KIF13B: variants seen among roughly 807,000 people sequenced by gnomAD.
KIF13B encodes the protein kinesin family member 13B.
A neutral mutation model predicts 222.0 loss-of-function variants in KIF13B; 127 were observed. The observed-to-expected ratio is 0.57, with a 90% CI of 0.50 to 0.66. The LOEUF (loss-of-function observed/expected upper bound fraction) is 0.66. Among genes scored for constraint, KIF13B ranks in the 30% least tolerant of loss-of-function variants. The pLI is 0.00. For synonymous variants in KIF13B, 976 were observed against 919.0 expected (o/e 1.06, Z -1.12); for missense variants, 2,173 against 2,379.0 (o/e 0.91, Z 1.80).
chr8:29,146,553 A>C lies in KIF13B; in HGVS notation c.2025-13T>G. ...CAACGTTGCTTCTCTAAAAAAAAAT[A>C]AAGAAGCGGCAGAGGTAGGGAAGAG... On this transcript the variant is annotated splice_polypyrimidine_tract_variant and intron_variant, in intron 17 of 39. Coordinates refer to ENST00000524189, the MANE Select transcript of KIF13B (RefSeq NM_015254.4). The C allele has an allele frequency of 6.2e-7, 1 of 1,609,616 alleles. No homozygotes were observed. The highest frequency in any genetic ancestry group is 8.5e-7 in the Non-Finnish European group (1 of 1,178,224).
At chr8:29,162,597 A>G (rs754564599) in intron 12 of KIF13B, among the ~76,000 whole-genome samples, 1 of 152,228 alleles carries the variant, frequency 6.6e-6, no homozygotes, top group Non-Finnish European at 1.5e-5. Flanking sequence ...ACTGTTTTAC[A>G]CTACTTCCCT....
rs538913771 is a variant in KIF13B at position 29,238,197 on chromosome 8, A to G, written c.149+7149T>C. 3.6e-4 allele frequency among the ~76,000 whole-genome samples: 55 copies of G among 152,368 alleles called. 1 individual carries two copies. In the South Asian group the frequency reaches 0.011, roughly 29 times the overall value. ...TAGCAGTAGAGAAATCTAAAAAGTCATTATCTAATATGACCTAATGATGCC... is the reference window on the plus strand; with the variant it reads ...TAGCAGTAGAGAAATCTAAAAAGTCGTTATCTAATATGACCTAATGATGCC... On this transcript the variant is annotated intron_variant, in intron 2 of 39. Transcript: ENST00000524189.
At chr8:29,132,594 G>T in intron 22 of KIF13B, 129 bp from the exon 23 acceptor site, 1 of 537,724 alleles carries the variant, frequency 1.9e-6, no homozygotes, top group Non-Finnish European at 2.9e-6. Flanking sequence ...TAGTTATACA[G>T]AACTATCATC....
chr8:29,193,527 C>T (rs1431412429), intron 3 of KIF13B, among the ~76,000 whole-genome samples: 1 of 152,162 alleles, frequency 6.6e-6, no homozygotes, highest in Non-Finnish European at 1.5e-5. Flanking sequence ...TAATTCTGTT[C>T]TTAATAAGGC....
intron 14 of KIF13B, among the ~76,000 whole-genome samples, chr8:29,151,359 T>G (rs1811289774): frequency 6.6e-6 from 1 of 152,212 alleles, no homozygotes; most frequent in African/African-American, 2.4e-5. Context: ...ATGGAGAAGC[T>G]GCAGCAAGAT....
chr8:29,232,441 AATAT>A (rs35132469), intron 2 of KIF13B, among the ~76,000 whole-genome samples: 2 of 146,588 alleles, frequency 1.4e-5, no homozygotes, highest in Non-Finnish European at 3.0e-5. Context: ...TTAAAAAATA[AATAT>A]ATATATATAT....
chr8:29,075,202 G>A lies in KIF13B; in HGVS notation c.4521+79C>T. The A allele has an allele frequency of 2.8e-6, 3 of 1,080,768 alleles. No homozygotes were observed. The Admixed American group carries it at 5.9e-5, about 21-fold the overall frequency. 66.9% of individuals were successfully genotyped at this position (1,080,768 alleles called of 1,614,324 possible). A position where few individuals can be genotyped will look rare whatever the true frequency, so the allele number is the denominator to read the frequency against. On this transcript the variant is annotated intron_variant, in intron 38 of 39. Transcript: ENST00000524189. Reference sequence around the variant, plus strand: ...GGAATGCTAACATCAAAAACTGTGGGTGTGGACTCAACAGTTTCGGCATCA... The same window carrying A: ...GGAATGCTAACATCAAAAACTGTGGATGTGGACTCAACAGTTTCGGCATCA...
rs1808075078 is a variant in KIF13B, at chr8:29,087,009, A to AAC, written c.4458+5735_4458+5736insGT. Among the ~76,000 whole-genome samples, 4 of 152,360 alleles carry AAC rather than the reference A, an allele frequency of 2.6e-5. No individual in the cohort carries two copies. In the South Asian group the frequency reaches 8.3e-4, roughly 32 times the overall value. On this transcript the variant is annotated intron_variant, in intron 37 of 39. Transcript: ENST00000524189. ...TGCTAAGTCCAGCACTGGATGCCTC[A>AAC]CGCAGAGCCGTAGCCACGCCAGTGT...
rs1807078222 is a variant in KIF13B at position 29,068,057 on chromosome 8, G to A, written c.*2447C>T. 1 of 152,390 alleles carries A rather than the reference G, an allele frequency of 6.6e-6. No individual in the cohort carries two copies. Among genetic ancestry groups the A allele is most frequent in the African/African-American group, 2.4e-5 (1 of 41,458 alleles). 9.4% of individuals were successfully genotyped at this position (152,390 alleles called of 1,614,324 possible). A position where few individuals can be genotyped will look rare whatever the true frequency, so the allele number is the denominator to read the frequency against. On this transcript the variant is annotated 3_prime_UTR_variant, in exon 40 of 40. Coordinates refer to ENST00000524189, the MANE Select transcript of KIF13B (RefSeq NM_015254.4). The surrounding 1 kb of genome is among the most constrained non-coding windows in gnomAD (Gnocchi z 4.4). ...CCAGGGATGTTCTGGGCACACAATG[G>A]GGAGGCAGGGCCCCCAGAAGCATCC...
intron 15 of KIF13B, 148 bp from the exon 16 acceptor site, chr8:29,148,915 T>C: frequency 1.6e-6 from 1 of 606,308 alleles, no homozygotes; most frequent in Non-Finnish European, 2.7e-6. Context: ...AATCTTGTCG[T>C]AGAAATAAGA....
chr8:29,186,098 AAAAC>A (rs201934744), intron 6 of KIF13B, among the ~76,000 whole-genome samples, 190 bp downstream of exon 6: 51 of 152,282 alleles, frequency 3.3e-4, no homozygotes, highest in Admixed American at 1.6e-3. Context: ...CTTGGGTTTA[AAAAC>A]AAACAAACAA....
intron 37 of KIF13B, among the ~76,000 whole-genome samples, chr8:29,082,944 G>A (rs1037988381): frequency 6.6e-6 from 1 of 152,154 alleles, no homozygotes; most frequent in Non-Finnish European, 1.5e-5. Context: ...GTGTGACATA[G>A]GGAGACCCCG....
intron 2 of KIF13B, among the ~76,000 whole-genome samples, chr8:29,228,827 T>G (rs1039617512): frequency 2.4e-5 from 3 of 124,696 alleles, no homozygotes; most frequent in African/African-American, 8.8e-5. Context: ...GGCCTCAGGC[T>G]CTCACCTAAC....
Position 29,072,306 on chromosome 8 carries a change from T to G in KIF13B, c.4532A>C (p.Glu1511Ala), listed in dbSNP as rs774171526. ...RVTRMEEAQPEMGPDVLVQTM... is the reference protein window; with the variant it reads ...RVTRMEEAQPAMGPDVLVQTM... Reference sequence around the variant, plus strand: ...CTGCACCAGCACGTCAGGGCCCATCTCCGGCTGAGCCTGCAGCAGGACGGG... The same window carrying G: ...CTGCACCAGCACGTCAGGGCCCATCGCCGGCTGAGCCTGCAGCAGGACGGG... Residue 1511 changes from glutamate to alanine, a missense_variant, in exon 39 of 40, where the codon GAG becomes GCG. By Grantham distance (107) the Glu-to-Ala change is moderately radical. This residue lies in a region of KIF13B where 693 missense variants were observed against 656.2 expected (regional missense o/e 1.06). Coordinates refer to ENST00000524189, the MANE Select transcript of KIF13B (RefSeq NM_015254.4). 5 of 1,418,340 alleles carry G rather than the reference T, an allele frequency of 3.5e-6. No individual in the cohort carries two copies. The South Asian group carries it at 8.2e-5, about 23-fold the overall frequency. 87.9% of individuals were successfully genotyped at this position (1,418,340 alleles called of 1,614,324 possible). A position where few individuals can be genotyped will look rare whatever the true frequency, so the allele number is the denominator to read the frequency against.
At chr8:29,150,494 A>G in intron 14 of KIF13B, 111 bp from the exon 15 acceptor site, 1 of 582,990 alleles carries the variant, frequency 1.7e-6, no homozygotes, top group South Asian at 2.2e-5. Context: ...AATTCCCCCA[A>G]ACACAACCTG....
chr8:29,260,333 G>A (rs907958367), intron 1 of KIF13B, among the ~76,000 whole-genome samples: 1 of 152,186 alleles, frequency 6.6e-6, no homozygotes, highest in Admixed American at 6.5e-5. Flanking sequence ...GATAGCTAAT[G>A]TGATTCCAAA....
intron 23 of KIF13B, among the ~76,000 whole-genome samples, 169 bp from the exon 24 acceptor site, chr8:29,130,834 T>C (rs1810311296): frequency 6.6e-6 from 1 of 152,346 alleles, no homozygotes; most frequent in East Asian, 1.9e-4. Context: ...GCAAGAATAA[T>C]GGAAAGCAAA....
At chr8:29,243,828 A>G (rs1164075848) in intron 2 of KIF13B, among the ~76,000 whole-genome samples, 6 of 152,224 alleles carry the variant, frequency 3.9e-5, no homozygotes, top group African/African-American at 1.4e-4. Flanking sequence ...CTCTATGTTA[A>G]TAACAATAAA....
intron 7 of KIF13B, among the ~76,000 whole-genome samples, chr8:29,180,968 C>T (rs953879312): frequency 3.3e-5 from 5 of 152,178 alleles, no homozygotes; most frequent in Middle Eastern, 3.2e-3. Flanking sequence ...AGATGCTTCC[C>T]ATTACCCAGT....
Sources: gnomAD v4.1 joint callset for allele counts (sites outside exome capture counted in the v4.1 genomes callset) on GRCh38, gnomAD v4.1.1 for gene constraint, gnomAD v4.1.1 regional missense constraint, Gnocchi (gnomAD v3.1) non-coding constraint, MANE v1.5 for transcripts, NCBI Gene and HGNC (gene_info 2026-07-23, HGNC 2026-07-21) for gene names.